TXNDC12: variants seen among roughly 807,000 people sequenced by gnomAD.
TXNDC12 encodes the protein thioredoxin domain-containing protein 12.
TXNDC12 carries 22 observed loss-of-function variants against 24.2 expected under a neutral mutation model. The observed-to-expected ratio is 0.91, with a 90% CI of 0.65 to 1.30. The LOEUF (loss-of-function observed/expected upper bound fraction) is 1.30, where lower values mean the gene tolerates loss of function less well. Ranked by LOEUF, TXNDC12 falls within the 50% of genes most tolerant of loss-of-function variation. TXNDC12 has a pLI of 0.00. For synonymous variants in TXNDC12, 58 were observed against 73.4 expected (o/e 0.79, Z 1.07); for missense variants, 184 against 205.8 (o/e 0.89, Z 0.65).
chr1:52,048,627 G>C (rs1014711806), intron 1 of TXNDC12, among the ~76,000 whole-genome samples: 1 of 152,130 alleles, frequency 6.6e-6, no homozygotes, highest in African/African-American at 2.4e-5. Flanking sequence ...ATTACTTTGG[G>C]AGGCTGAGGC....
At position 52,042,464 on chromosome 1, in the gene TXNDC12, C is replaced by CTT. The variant is rs3075033; in HGVS notation, c.98-869_98-868dup. Reference sequence around the variant, plus strand: ...ATATACACCCTATACTATACTTTCACTTTTTTTTTTTTTTTTGAGATAGAG... The same window carrying CTT: ...ATATACACCCTATACTATACTTTCACTTTTTTTTTTTTTTTTTTGAGATAGAG... On this transcript the variant is annotated intron_variant, in intron 1 of 6. Coordinates refer to ENST00000371626, the MANE Select transcript of TXNDC12 (RefSeq NM_015913.4). Among the ~76,000 whole-genome samples the CTT allele has an allele frequency of 3.6e-3, 500 of 140,638 alleles. 5 individuals are homozygous for CTT. The highest frequency in any genetic ancestry group is 0.011 in the African/African-American group (437 of 38,100). 92.3% of individuals were successfully genotyped at this position (140,638 alleles called of 152,430 possible).
rs1439403558 is a variant in TXNDC12 at position 52,038,905 on chromosome 1, T to G, written c.158+2632A>C. Among the ~76,000 whole-genome samples, 7 of 2,754 alleles carry G rather than the reference T, an allele frequency of 2.5e-3. No homozygotes were observed. In the East Asian group the frequency reaches 0.38, roughly 148 times the overall value. 1.8% of individuals were successfully genotyped at this position (2,754 alleles called of 152,430 possible). ...TTTTCTTTTTTTTTTCTTTTTCTGTTTTTTTTTTTTTTTTACGCAATTGGT... is the reference window on the plus strand; with the variant it reads ...TTTTCTTTTTTTTTTCTTTTTCTGTGTTTTTTTTTTTTTTACGCAATTGGT... On this transcript the variant is annotated intron_variant, in intron 2 of 6. Transcript: ENST00000371626.
chr1:52,027,606 C>T (rs1289938838), intron 3 of TXNDC12, among the ~76,000 whole-genome samples: 5 of 151,594 alleles, frequency 3.3e-5, no homozygotes, highest in South Asian at 2.1e-4. Context: ...TAATGGCATA[C>T]GAATAGGGGG....
intron 2 of TXNDC12, among the ~76,000 whole-genome samples, chr1:52,030,889 A>G (rs1037686172): frequency 6.6e-5 from 10 of 152,214 alleles, no homozygotes; most frequent in African/African-American, 1.7e-4. Context: ...TGTAATTCAC[A>G]TTTCAGTGTA....
chr1:52,028,009 G>A (rs1196310607), intron 3 of TXNDC12, among the ~76,000 whole-genome samples: 3 of 151,882 alleles, frequency 2.0e-5, no homozygotes, highest in Admixed American at 2.0e-4. Context: ...TGTATTTTTA[G>A]TAGAGGCGGG....
intron 2 of TXNDC12, among the ~76,000 whole-genome samples, chr1:52,034,365 G>T (rs540733754): frequency 6.6e-6 from 1 of 152,310 alleles, no homozygotes; most frequent in East Asian, 1.9e-4. Context: ...ACTACCCAGA[G>T]AAATCACTGA....
At chr1:52,028,908 A>G (rs1389923141) in intron 2 of TXNDC12, among the ~76,000 whole-genome samples, 1 of 152,158 alleles carries the variant, frequency 6.6e-6, no homozygotes, top group Non-Finnish European at 1.5e-5. Context: ...TGGGCAGATG[A>G]CTTGAGGCCA....
At chr1:52,040,942 C>CA (rs1685976351) in intron 2 of TXNDC12, among the ~76,000 whole-genome samples, 1 of 150,866 alleles carries the variant, frequency 6.6e-6, no homozygotes, top group Non-Finnish European at 1.5e-5. Context: ...TGAGGCTTGA[C>CA]AAGAATTGCT....
chr1:52,022,794 C>A (rs887471870), intron 6 of TXNDC12, among the ~76,000 whole-genome samples: 1 of 151,682 alleles, frequency 6.6e-6, no homozygotes, highest in Admixed American at 6.6e-5. Flanking sequence ...GCACCTGCCA[C>A]CACGCCAGCT....
rs541907131 is a variant in TXNDC12, at chr1:52,055,173, G to A, written c.-77C>T. ...CAGCAGACGGTCCACACAGTTCGCC[G>A]AGCGCCGCTCAGCACAACACCTCTA... On this transcript the variant is annotated 5_prime_UTR_variant, in exon 1 of 7. Coordinates refer to ENST00000371626, the MANE Select transcript of TXNDC12 (RefSeq NM_015913.4). The A allele has an allele frequency of 4.0e-5, 41 of 1,035,960 alleles. No individual in the cohort carries two copies. The African/African-American group carries it at 5.0e-4, about 13-fold the overall frequency. 64.2% of individuals were successfully genotyped at this position (1,035,960 alleles called of 1,614,324 possible).
At chr1:52,036,861 C>T (rs1285083135) in intron 2 of TXNDC12, among the ~76,000 whole-genome samples, 3 of 152,202 alleles carry the variant, frequency 2.0e-5, no homozygotes, top group Non-Finnish European at 4.4e-5. Context: ...TATCTTAAAA[C>T]CCTTTACCCC....
At chr1:52,032,305 G>A (rs1185024385) in intron 2 of TXNDC12, 3 of 1,006,398 alleles carry the variant, frequency 3.0e-6, no homozygotes, top group East Asian at 1.0e-4. Flanking sequence ...ATGTAGAACT[G>A]TACCATCTTC....
At chr1:52,025,987 C>G (rs1044338346) in intron 4 of TXNDC12, among the ~76,000 whole-genome samples, 1 of 151,984 alleles carries the variant, frequency 6.6e-6, no homozygotes, top group Non-Finnish European at 1.5e-5. Flanking sequence ...CACCACCACA[C>G]CCAGCTAATT....
intron 2 of TXNDC12, among the ~76,000 whole-genome samples, chr1:52,038,393 C>T (rs1030800245): frequency 6.6e-6 from 1 of 151,834 alleles, no homozygotes; most frequent in Non-Finnish European, 1.5e-5. Flanking sequence ...CTCATGCAAC[C>T]TCCGCCTCCC....
chr1:52,033,914 T>A (rs1258273463), intron 2 of TXNDC12: 30 of 1,431,022 alleles, frequency 2.1e-5, no homozygotes, highest in Non-Finnish European at 2.6e-5. Flanking sequence ...CTACGCCAGC[T>A]AGGCCCAGGT....
intron 1 of TXNDC12, chr1:52,052,440 G>A (rs1308044089): frequency 1.2e-5 from 2 of 169,262 alleles, no homozygotes; most frequent in Non-Finnish European, 2.9e-5. Context: ...TGCCTTGTAA[G>A]GCTAGGTGAC....
chr1:52,042,849 C>T (rs1336311850), intron 1 of TXNDC12, among the ~76,000 whole-genome samples: 2 of 152,070 alleles, frequency 1.3e-5, no homozygotes, highest in African/African-American at 2.4e-5. Flanking sequence ...CTTGAACTCC[C>T]GACCTCAGGT....
intron 2 of TXNDC12, chr1:52,033,592 G>A (rs948783102): frequency 6.2e-7 from 1 of 1,613,388 alleles, no homozygotes; most frequent in Non-Finnish European, 8.5e-7. Flanking sequence ...TCCACGCAAT[G>A]CCTTCTCACG....
At chr1:52,021,791 A>G (rs935328620) in intron 6 of TXNDC12, among the ~76,000 whole-genome samples, 16 of 152,214 alleles carry the variant, frequency 1.1e-4, no homozygotes, top group Admixed American at 7.9e-4. Context: ...AAGCCAAACC[A>G]TAAGCTCATA....
Sources: allele counts gnomAD v4.1 joint callset (sites outside exome capture counted in the v4.1 genomes callset), GRCh38; gene constraint gnomAD v4.1.1; transcripts MANE v1.5; gene names NCBI Gene and HGNC (gene_info 2026-07-23, HGNC 2026-07-21).